TMTC2: variants seen among roughly 807,000 people sequenced by gnomAD.
The protein encoded by TMTC2 is protein O-mannosyl-transferase TMTC2.
Under a neutral mutation model 82.4 loss-of-function variants are expected in TMTC2, and 43 were observed. The observed-to-expected ratio is 0.52, with a 90% CI of 0.41 to 0.67. The LOEUF (loss-of-function observed/expected upper bound fraction) is 0.67, where lower values mean the gene tolerates loss of function less well. TMTC2 is among the 30% of genes least tolerant of loss of function. The pLI is 0.00. For missense variants in TMTC2, 919 were observed against 1,012.4 expected (o/e 0.91, Z 1.25); for synonymous variants, 408 against 381.9 (o/e 1.07, Z -0.80).
intron 3 of TMTC2, among the ~76,000 whole-genome samples, chr12:82,915,604 A>G (rs1362670253): frequency 6.6e-6 from 1 of 152,216 alleles, no homozygotes; most frequent in Non-Finnish European, 1.5e-5. Flanking sequence ...GGTTTGGGCG[A>G]TAAAATTAAA....
chr12:82,991,983 G>C (rs1425992177), intron 8 of TMTC2, among the ~76,000 whole-genome samples: 1 of 152,156 alleles, frequency 6.6e-6, no homozygotes, highest in Non-Finnish European at 1.5e-5. Flanking sequence ...TTATTTTCCA[G>C]ATTCAGGTTA....
intron 3 of TMTC2, among the ~76,000 whole-genome samples, chr12:82,915,246 A>G (rs1874936801): frequency 1.3e-5 from 2 of 152,162 alleles, no homozygotes; most frequent in Admixed American, 6.6e-5. Context: ...TATAGTGGTT[A>G]TTGTTCCTCC....
At chr12:83,023,386 T>C (rs1881024820) in intron 8 of TMTC2, among the ~76,000 whole-genome samples, 1 of 152,238 alleles carries the variant, frequency 6.6e-6, no homozygotes, top group Admixed American at 6.5e-5. Context: ...CAGCTGAGTG[T>C]GATGATCCAC....
intron 9 of TMTC2, among the ~76,000 whole-genome samples, chr12:83,032,554 A>T (rs1881485235): frequency 1.3e-5 from 2 of 151,248 alleles, no homozygotes; most frequent in South Asian, 2.1e-4. Context: ...TTTTTTTTTT[A>T]ATTTTTTTAG....
At chr12:82,784,052 G>A (rs1048925587) in intron 1 of TMTC2, among the ~76,000 whole-genome samples, 1 of 151,848 alleles carries the variant, frequency 6.6e-6, no homozygotes, top group African/African-American at 2.4e-5. Context: ...ATGTAGAGTG[G>A]GCCTGCTGTA....
intron 8 of TMTC2, among the ~76,000 whole-genome samples, chr12:83,024,574 G>C (rs1881081011): frequency 6.6e-6 from 1 of 152,184 alleles, no homozygotes; most frequent in African/African-American, 2.4e-5. Flanking sequence ...CTACTTAAGA[G>C]ACTGTTCCTT....
chr12:82,921,844 T>C (rs1875412335), intron 3 of TMTC2, among the ~76,000 whole-genome samples: 1 of 151,824 alleles, frequency 6.6e-6, no homozygotes, highest in Non-Finnish European at 1.5e-5. Flanking sequence ...ATTCCTGTAA[T>C]CCCAGCACTT....
chr12:83,132,365 A>C lies in TMTC2; in HGVS notation c.2487A>C (p.Gln829His), dbSNP rs772221723. The change falls in exon 12 of 12, where the codon CAA (glutamine) becomes CAC (histidine). Residue 829 changes from glutamine (Q) to histidine (H), a missense_variant. Gln to His is a conservative substitution (Grantham distance 24). Coordinates refer to ENST00000321196, the MANE Select transcript of TMTC2 (RefSeq NM_152588.3). ...AACTGTGGAACATCATGGAAAAACAAGGCTTAAAGACTTCTAAGACCTGAC... is the reference window on the plus strand; with the variant it reads ...AACTGTGGAACATCATGGAAAAACACGGCTTAAAGACTTCTAAGACCTGAC... ...LRKLWNIMEK[Q>H]GLKTSKT 1 of 1,614,056 alleles carries C rather than the reference A, an allele frequency of 6.2e-7. No homozygotes were observed. The highest frequency in any genetic ancestry group is 8.5e-7 in the Non-Finnish European group (1 of 1,179,970).
chr12:82,902,455 C>T (rs1874069949), intron 3 of TMTC2, among the ~76,000 whole-genome samples: 1 of 152,206 alleles, frequency 6.6e-6, no homozygotes, highest in South Asian at 2.1e-4. Flanking sequence ...GGCCCTGTGA[C>T]CCCAGTTCAC....
chr12:82,693,518 A>G (rs1403859776), intron 1 of TMTC2, among the ~76,000 whole-genome samples: 4 of 152,070 alleles, frequency 2.6e-5, no homozygotes, highest in African/African-American at 9.7e-5. Flanking sequence ...GGGATTCAAG[A>G]TTTTTGCCTC....
At chr12:82,772,996 T>C (rs533180613) in intron 1 of TMTC2, among the ~76,000 whole-genome samples, 243 of 152,318 alleles carry the variant, frequency 1.6e-3, no homozygotes, top group African/African-American at 5.8e-3. Flanking sequence ...AAAGGTATTT[T>C]TTGTTTGTGT....
At chr12:82,907,049 C>G (rs1874354849) in intron 3 of TMTC2, among the ~76,000 whole-genome samples, 3 of 152,084 alleles carry the variant, frequency 2.0e-5, no homozygotes, top group African/African-American at 7.2e-5. Flanking sequence ...TTTTTAAAAG[C>G]AGATTTACAT....
Position 82,986,059 on chromosome 12 carries a change from C to T in TMTC2, c.2070+13C>T, listed in dbSNP as rs751574129. 6.2e-7 allele frequency: 1 copy of T among 1,613,856 alleles called. No individual in the cohort carries two copies. Among genetic ancestry groups the T allele is most frequent in the Non-Finnish European group, 8.5e-7 (1 of 1,179,820 alleles). ...GCTAGCTCTAACAGTGAGTAACCGCCTTCCTTGGTCTTTAAAACTTGGTTT... is the reference window on the plus strand; with the variant it reads ...GCTAGCTCTAACAGTGAGTAACCGCTTTCCTTGGTCTTTAAAACTTGGTTT... On this transcript the variant is annotated intron_variant, in intron 8 of 11. Transcript: ENST00000321196.
At chr12:83,103,455 T>C (rs1884293262) in intron 11 of TMTC2, among the ~76,000 whole-genome samples, 1 of 152,104 alleles carries the variant, frequency 6.6e-6, no homozygotes, top group Non-Finnish European at 1.5e-5. Flanking sequence ...CAAGGCGCTT[T>C]TTCGGATCTC....
chr12:82,948,314 A>G (rs1877141039), intron 4 of TMTC2, among the ~76,000 whole-genome samples: 1 of 152,012 alleles, frequency 6.6e-6, no homozygotes, highest in African/African-American at 2.4e-5. Context: ...GCAGTGAGCC[A>G]TGCTTATACC....
At chr12:82,784,857 C>A (rs115130408) in intron 1 of TMTC2, among the ~76,000 whole-genome samples, 2,320 of 152,042 alleles carry the variant, frequency 0.015, 58 homozygotes, top group African/African-American at 0.052. Flanking sequence ...TTCTGAGTTT[C>A]ACTGATTTCC....
At chr12:82,694,023 C>G (rs1370705107) in intron 1 of TMTC2, among the ~76,000 whole-genome samples, 2 of 143,766 alleles carry the variant, frequency 1.4e-5, no homozygotes, top group African/African-American at 5.2e-5. Context: ...CTTTTAGAAG[C>G]ATTTTGGGAT....
chr12:83,061,235 T>G (rs17010576), intron 10 of TMTC2, among the ~76,000 whole-genome samples: 11,116 of 151,722 alleles, frequency 0.073, 479 homozygotes, highest in Middle Eastern at 0.11. Flanking sequence ...GTGTCCAAAG[T>G]CCAAGGGGAC....
At chr12:82,908,729 A>AT (rs1477096542) in intron 3 of TMTC2, among the ~76,000 whole-genome samples, 1 of 151,938 alleles carries the variant, frequency 6.6e-6, no homozygotes, top group African/African-American at 2.4e-5. Context: ...AATTAGAATT[A>AT]TTTTTTTCTT....
Sources: gnomAD v4.1 joint callset for allele counts (sites outside exome capture counted in the v4.1 genomes callset) on GRCh38, gnomAD v4.1.1 for gene constraint, MANE v1.5 for transcripts, NCBI Gene and HGNC (gene_info 2026-07-23, HGNC 2026-07-21) for gene names.